The following GRK6 variants were observed in gnomAD, a reference collection of about 807,000 sequenced individuals.
GRK6 encodes the protein G protein-coupled receptor kinase 6.
GRK6 carries 37 observed loss-of-function variants against 80.8 expected under a neutral mutation model. That is an observed-to-expected ratio of 0.46 (90% CI 0.35 to 0.60). The LOEUF is 0.60. GRK6 is among the 20% of genes least tolerant of loss of function. The pLI is 0.00. For missense variants in GRK6, 560 were observed against 784.6 expected, an observed-to-expected ratio of 0.71 and a Z score of 3.42; for synonymous variants, 295 against 320.9, an observed-to-expected ratio of 0.92 and a Z score of 0.86.
At chr5:177,434,858 T>A in intron 9 of GRK6, 44 bp from the exon 10 acceptor site, 4 of 1,610,452 alleles carry the variant, frequency 2.5e-6, no homozygotes, top group Non-Finnish European at 3.4e-6. Context: ...TCTGACTCCC[T>A]GGCAAACTGA....
Position 177,429,773 on chromosome 5 carries a change from G to A in GRK6, c.53-1099G>A, listed in dbSNP as rs1216935751. 6.6e-6 allele frequency among the ~76,000 whole-genome samples: 1 copy of A among 152,198 alleles called. No homozygotes were observed. Among genetic ancestry groups the A allele is most frequent in the Non-Finnish European group, 1.5e-5 (1 of 68,034 alleles). On this transcript the variant is annotated intron_variant, in intron 1 of 15. Transcript: ENST00000355472. The surrounding 1 kb of genome is among the most constrained non-coding windows in gnomAD (Gnocchi z 4.3). ...GAAAGTGGTTGTCTAAGGTTGCCATGGCGTTGTTGGAGTTGGGGTTCACCT... is the reference window on the plus strand; with the variant it reads ...GAAAGTGGTTGTCTAAGGTTGCCATAGCGTTGTTGGAGTTGGGGTTCACCT...
At position 177,432,706 on chromosome 5, in the gene GRK6, G is replaced by A. The variant is rs1763964651; in HGVS notation, c.340G>A (p.Gly114Ser). 49 of 1,593,146 alleles carry A rather than the reference G, an allele frequency of 3.1e-5. No individual in the cohort carries two copies. Among genetic ancestry groups the A allele is most frequent in the Non-Finnish European group, 4.0e-5 (47 of 1,167,240 alleles). ...QLTQNFLSHT[G>S]PDLIPEVPRQ... ...TGACCTGTCTGGGGCTTGTTCCCAG[G>A]GTCCTGACCTCATCCCTGAGGTCCC... Residue 114 changes from glycine to serine, a missense_variant and splice_region_variant, in exon 5 of 16, where the codon GGT becomes AGT. By Grantham distance (56) the Gly-to-Ser change is moderately conservative (BLOSUM62 0). Coordinates refer to ENST00000355472, the MANE Select transcript of GRK6 (RefSeq NM_001004106.3).
At chr5:177,438,324 C>T (rs1457216649) in intron 13 of GRK6, among the ~76,000 whole-genome samples, 6 of 151,858 alleles carry the variant, frequency 4.0e-5, no homozygotes, top group Admixed American at 2.6e-4. Context: ...GTTGAGATCG[C>T]GCATTGCACT....
rs1763799810 is a variant in GRK6, at chr5:177,429,502, G to C, written c.53-1370G>C. 6.6e-6 allele frequency among the ~76,000 whole-genome samples: 1 copy of C among 152,156 alleles called. No homozygotes were observed. The highest frequency in any genetic ancestry group is 1.5e-5 in the Non-Finnish European group (1 of 68,028). On this transcript the variant is annotated intron_variant, in intron 1 of 15. Coordinates refer to ENST00000355472, the MANE Select transcript of GRK6 (RefSeq NM_001004106.3). This position sits in a 1 kb window ranked among gnomAD's most constrained non-coding sequence, Gnocchi z 4.3. Reference sequence around the variant, plus strand: ...AGGCCTTGCCCTGGGTTGAGGGGTGGGTGTCTGTTGCTCACTCACAGTGAA... The same window carrying C: ...AGGCCTTGCCCTGGGTTGAGGGGTGCGTGTCTGTTGCTCACTCACAGTGAA...
intron 4 of GRK6, 62 bp downstream of exon 4, chr5:177,432,372 T>G: frequency 6.8e-7 from 1 of 1,478,940 alleles, no homozygotes; most frequent in Non-Finnish European, 9.4e-7. Context: ...GGCACAGGAG[T>G]GACCACAGTG....
intron 8 of GRK6, 53 bp downstream of exon 8, chr5:177,433,729 C>T (rs1379875082): frequency 3.1e-6 from 5 of 1,599,202 alleles, no homozygotes; most frequent in Admixed American, 1.7e-5. Context: ...GCGCACCGAC[C>T]GTCCCCACCC....
At chr5:177,426,941 C>A in intron 1 of GRK6, 44 bp downstream of exon 1, 1 of 1,268,842 alleles carries the variant, frequency 7.9e-7, no homozygotes. Flanking sequence ...GCGTGGAGCG[C>A]GAGTGCGCTG....
intron 9 of GRK6, among the ~76,000 whole-genome samples, chr5:177,434,642 A>T (rs1409440293): frequency 6.6e-6 from 1 of 152,226 alleles, no homozygotes. Flanking sequence ...CTTGGTCTCC[A>T]CTGGGGAGGC....
At position 177,426,726 on chromosome 5, in the gene GRK6, C is replaced by G. The variant is rs970605394; in HGVS notation, c.-120C>G. Reference sequence around the variant, plus strand: ...GCCGGGGAGGCCGGGGAGGCCGCGGCGCGGTCACTGCGAGCCGAGCCGAGC... The same window carrying G: ...GCCGGGGAGGCCGGGGAGGCCGCGGGGCGGTCACTGCGAGCCGAGCCGAGC... On this transcript the variant is annotated 5_prime_UTR_variant, in exon 1 of 16. Coordinates refer to ENST00000355472, the MANE Select transcript of GRK6 (RefSeq NM_001004106.3). 1 of 421,016 alleles carries G rather than the reference C, an allele frequency of 2.4e-6. No individual in the cohort carries two copies. Among genetic ancestry groups the G allele is most frequent in the Non-Finnish European group, 3.2e-6 (1 of 316,378 alleles). The allele number at this position is 421,016 out of a possible 1,614,324, so 26.1% of individuals were successfully genotyped here.
At position 177,442,029 on chromosome 5, in the gene GRK6, T is replaced by TTC; in HGVS notation, c.*241_*242dup. Reference sequence around the variant, plus strand: ...GCTCTTCTCCGTGGAGCTCGGGGCTTTCTGTATTTATGTATTTGTACGAAT... The same window carrying TTC: ...GCTCTTCTCCGTGGAGCTCGGGGCTTTCTCTGTATTTATGTATTTGTACGAAT... On this transcript the variant is annotated 3_prime_UTR_variant, in exon 16 of 16. Transcript: ENST00000355472. 7.1e-6 allele frequency: 4 copies of TTC among 565,200 alleles called. No homozygotes were observed. In the South Asian group the frequency reaches 8.8e-5, roughly 12 times the overall value. The allele number at this position is 565,200 out of a possible 1,614,324, so 35.0% of individuals were successfully genotyped here. A position where few individuals can be genotyped will look rare whatever the true frequency, so the allele number is the denominator to read the frequency against.
At chr5:177,436,569 C>G in intron 13 of GRK6, 39 bp downstream of exon 13, 1 of 1,525,460 alleles carries the variant, frequency 6.6e-7, no homozygotes, top group Non-Finnish European at 8.8e-7. Flanking sequence ...GGGGCCCAGC[C>G]AGGGCTGGGG....
chr5:177,425,841 A>T (rs1009729969), upstream of GRK6, among the ~76,000 whole-genome samples: 1 of 152,270 alleles, frequency 6.6e-6, no homozygotes, highest in Non-Finnish European at 1.5e-5. Context: ...GTAAGATTTC[A>T]GCCTTGTTTT....
rs1763759814 is a variant in GRK6 at position 177,428,462 on chromosome 5, C to T, written c.52+1565C>T. On this transcript the variant is annotated intron_variant, in intron 1 of 15. Coordinates refer to ENST00000355472, the MANE Select transcript of GRK6 (RefSeq NM_001004106.3). The surrounding 1 kb of genome is among the most constrained non-coding windows in gnomAD (Gnocchi z 4.1). ...GGCTTTTTTTTGAGACAGAGTCTCA[C>T]TGTGTCACCCAGGCTGGAGTGCAGG... Among the ~76,000 whole-genome samples, 1 of 152,226 alleles carries T rather than the reference C, an allele frequency of 6.6e-6. No homozygotes were observed. Among genetic ancestry groups the T allele is most frequent in the African/African-American group, 2.4e-5 (1 of 41,448 alleles).
chr5:177,437,518 T>G (rs12651782), intron 13 of GRK6, among the ~76,000 whole-genome samples: 29,116 of 152,110 alleles, frequency 0.19, 3,443 homozygotes, highest in Admixed American at 0.26. Context: ...AGCATCTCAG[T>G]GGGCCAGGCA....
chr5:177,436,334 T>TTGCCCCCC, intron 12 of GRK6, 53 bp downstream of exon 12: 13 of 1,555,964 alleles, frequency 8.4e-6, no homozygotes, highest in Non-Finnish European at 1.1e-5. Flanking sequence ...GATGCACCTT[T>TTGCCCCCC]CCCTCCCTCC....
intron 2 of GRK6, among the ~76,000 whole-genome samples, chr5:177,431,352 G>A (rs778586442): frequency 2.0e-5 from 3 of 152,186 alleles, no homozygotes; most frequent in Non-Finnish European, 4.4e-5. Flanking sequence ...CCCAGGCCCA[G>A]CCCTGAGGGG....
chr5:177,432,392 T>C (rs936389378), intron 4 of GRK6, 82 bp downstream of exon 4: 1 of 1,358,822 alleles, frequency 7.4e-7, no homozygotes, highest in Non-Finnish European at 1.0e-6. Flanking sequence ...GTCAGGCTTC[T>C]GAGGGTGGTC....
In GRK6 at chr5:177,436,452, G is replaced by A; in HGVS notation, c.1326G>A (p.Val442=). The A allele has an allele frequency of 6.2e-7, 1 of 1,612,942 alleles. No individual in the cohort carries two copies. Among genetic ancestry groups the A allele is most frequent in the Non-Finnish European group, 8.5e-7 (1 of 1,179,732 alleles). The change falls in exon 13 of 16, where the codon GTG becomes GTA. Residue 442 remains valine (V), a synonymous_variant. Coordinates refer to ENST00000355472, the MANE Select transcript of GRK6 (RefSeq NM_001004106.3). ...LGCRGGSARE[V]KEHPLFKKLN... ...GTCGTGGGGGCAGTGCCCGCGAGGTGAAGGAGCACCCCCTCTTTAAGAAGC... is the reference window on the plus strand; with the variant it reads ...GTCGTGGGGGCAGTGCCCGCGAGGTAAAGGAGCACCCCCTCTTTAAGAAGC...
rs763021878 is a variant in GRK6 at position 177,436,455 on chromosome 5, G to A, written c.1329G>A (p.Lys443=). The A allele has an allele frequency of 1.2e-6, 2 of 1,612,800 alleles. No homozygotes were observed. The highest frequency in any genetic ancestry group is 3.3e-5 in the Admixed American group (2 of 59,934). Residue 443 remains lysine, a synonymous_variant, in exon 13 of 16, where the codon AAG becomes AAA. Transcript: ENST00000355472. Reference sequence around the variant, plus strand: ...GTGGGGGCAGTGCCCGCGAGGTGAAGGAGCACCCCCTCTTTAAGAAGCTGA... The same window carrying A: ...GTGGGGGCAGTGCCCGCGAGGTGAAAGAGCACCCCCTCTTTAAGAAGCTGA... ...GCRGGSAREV[K]EHPLFKKLNF... is the part of the protein sequence containing the mutation.
Sources: gnomAD v4.1 joint callset for allele counts (sites outside exome capture counted in the v4.1 genomes callset) on GRCh38, gnomAD v4.1.1 for gene constraint, Gnocchi (gnomAD v3.1) non-coding constraint, MANE v1.5 for transcripts, NCBI Gene and HGNC (gene_info 2026-07-23, HGNC 2026-07-21) for gene names.